Variants in DLGAP2 observed in about 807,000 individuals in gnomAD.
The protein encoded by DLGAP2 is disks large-associated protein 2.
Under a neutral mutation model 100.3 loss-of-function variants are expected in DLGAP2, and 26 were observed. The observed-to-expected ratio is 0.26, with a 90% CI of 0.19 to 0.36. The LOEUF (loss-of-function observed/expected upper bound fraction) is 0.36. Among genes scored for constraint, DLGAP2 ranks in the 10% least tolerant of loss-of-function variants. The probability of loss-of-function intolerance (pLI) is 1.00; values close to 1 mark genes in which losing one functional copy is unlikely to be tolerated. For missense variants in DLGAP2, 1,858 were observed against 1,453.2 expected (o/e 1.28, Z -4.53); for synonymous variants, 886 against 630.1 (o/e 1.41, Z -6.08).
In DLGAP2 at chr8:1,278,679, G is replaced by A. The variant is rs1799756022; in HGVS notation, c.106+19796G>A. On this transcript the variant is annotated intron_variant, in intron 3 of 14. Transcript: ENST00000637795. The stretch of plus-strand genomic sequence containing the variant: ...TTCTCTACCTTACCTAATCAGTGGT[G>A]TGACCCTCTTATCTATATGTTTTAG... Among the ~76,000 whole-genome samples the A allele has an allele frequency of 3.9e-5, 6 of 152,282 alleles. No individual in the cohort carries two copies. In the South Asian group the frequency reaches 1.2e-3, roughly 32 times the overall value.
chr8:1,100,903 A>G (rs1804556465), intron 2 of DLGAP2, among the ~76,000 whole-genome samples: 1 of 152,230 alleles, frequency 6.6e-6, no homozygotes, highest in African/African-American at 2.4e-5. Context: ...ATAGCATTTC[A>G]AGTGCTTTAT....
chr8:1,363,034 G>A (rs1050726922), intron 3 of DLGAP2, among the ~76,000 whole-genome samples: 2 of 152,192 alleles, frequency 1.3e-5, no homozygotes, highest in African/African-American at 4.8e-5. Flanking sequence ...TGAGCCACCA[G>A]ATCCTCTAAG....
In DLGAP2 at chr8:1,549,270, A is replaced by C. The variant is rs974256854; in HGVS notation, c.817A>C (p.Lys273Gln). 8 of 1,611,286 alleles carry C rather than the reference A, an allele frequency of 5.0e-6. No individual in the cohort carries two copies. Among genetic ancestry groups the C allele is most frequent in the Non-Finnish European group, 6.8e-6 (8 of 1,179,238 alleles). The change falls in exon 5 of 15, where the codon AAG (lysine) becomes CAG (glutamine). Residue 273 changes from lysine to glutamine, a missense_variant. By Grantham distance (53) the Lys-to-Gln change is moderately conservative. Coordinates refer to ENST00000637795, the MANE Select transcript of DLGAP2 (RefSeq NM_001346810.2). ...ADDHHHAHHA[K>Q]HSKRSKSKER... Reference sequence around the variant, plus strand: ...CGACCACCACCACGCCCACCACGCCAAGCACAGCAAGAGGAGCAAGAGCAA... The same window carrying C: ...CGACCACCACCACGCCCACCACGCCCAGCACAGCAAGAGGAGCAAGAGCAA...
chr8:1,206,268 C>T (rs1797987209), intron 2 of DLGAP2, among the ~76,000 whole-genome samples: 1 of 151,980 alleles, frequency 6.6e-6, no homozygotes, highest in Non-Finnish European at 1.5e-5. Flanking sequence ...GCAGCTCCAG[C>T]CATCCATGGG....
intron 1 of DLGAP2, 189 bp downstream of exon 1, chr8:738,014 G>A (rs1423616494): frequency 4.7e-5 from 15 of 316,082 alleles, no homozygotes; most frequent in Admixed American, 4.5e-4. Flanking sequence ...CTGTGCTCGG[G>A]GGTCGCGCGT....
chr8:1,257,729 C>T (rs117617946), intron 2 of DLGAP2, among the ~76,000 whole-genome samples: 7,094 of 152,024 alleles, frequency 0.047, 356 homozygotes, highest in African/African-American at 0.12. Flanking sequence ...CCCGAGGGCC[C>T]GTGCAGGCCA....
intron 13 of DLGAP2, among the ~76,000 whole-genome samples, chr8:1,692,534 G>C (rs1203510097): frequency 6.6e-6 from 1 of 152,186 alleles, no homozygotes; most frequent in African/African-American, 2.4e-5. Flanking sequence ...GAGGCGGGCT[G>C]CAGCAGCGCG....
At chr8:1,633,782 G>A (rs1376705351) in intron 8 of DLGAP2, among the ~76,000 whole-genome samples, 1 of 152,204 alleles carries the variant, frequency 6.6e-6, no homozygotes, top group African/African-American at 2.4e-5. Context: ...GGGGACTGAG[G>A]TGTTCTGAAT....
chr8:825,000 T>C (rs1320739491), intron 1 of DLGAP2, among the ~76,000 whole-genome samples: 2 of 152,170 alleles, frequency 1.3e-5, no homozygotes, highest in African/African-American at 4.8e-5. Context: ...CGATGTCTTC[T>C]GGCTGCAGGA....
chr8:1,277,400 C>G (rs1452563804), intron 3 of DLGAP2, among the ~76,000 whole-genome samples: 1 of 152,034 alleles, frequency 6.6e-6, no homozygotes, highest in East Asian at 1.9e-4. Flanking sequence ...ATTAAGAGAG[C>G]ACGGAGAAAT....
At chr8:779,706 C>G (rs1821635814) in intron 1 of DLGAP2, among the ~76,000 whole-genome samples, 1 of 152,080 alleles carries the variant, frequency 6.6e-6, no homozygotes, top group African/African-American at 2.4e-5. Flanking sequence ...CCACTGTTAG[C>G]CATCCAAATC....
chr8:804,884 A>G (rs892853868), intron 1 of DLGAP2, among the ~76,000 whole-genome samples: 1 of 151,890 alleles, frequency 6.6e-6, no homozygotes, highest in African/African-American at 2.4e-5. Flanking sequence ...TCCCACCTCA[A>G]CCACTGAGTA....
intron 4 of DLGAP2, among the ~76,000 whole-genome samples, chr8:1,519,291 AC>A (rs1290353850): frequency 3.6e-5 from 5 of 137,702 alleles, no homozygotes; most frequent in Non-Finnish European, 7.7e-5. Context: ...AAAGCATAGA[AC>A]CCTTGTCTAC....
chr8:935,930 AT>A (rs1455605139), intron 2 of DLGAP2, among the ~76,000 whole-genome samples: 1 of 152,200 alleles, frequency 6.6e-6, no homozygotes, highest in African/African-American at 2.4e-5. Context: ...GGAGAGCTGC[AT>A]AAGAGTGGGG....
At chr8:873,077 C>T (rs909762599) in intron 1 of DLGAP2, among the ~76,000 whole-genome samples, 1 of 152,182 alleles carries the variant, frequency 6.6e-6, no homozygotes, top group Non-Finnish European at 1.5e-5. Flanking sequence ...ATATTGACCA[C>T]ACATGCTCCC....
At chr8:1,413,334 G>A (rs962981466) in intron 3 of DLGAP2, among the ~76,000 whole-genome samples, 10 of 152,176 alleles carry the variant, frequency 6.6e-5, no homozygotes, top group African/African-American at 1.4e-4. Flanking sequence ...AAGAACAGAG[G>A]AAGAAAATGA....
At chr8:1,023,699 C>G (rs1311692303) in intron 2 of DLGAP2, among the ~76,000 whole-genome samples, 1 of 152,068 alleles carries the variant, frequency 6.6e-6, no homozygotes, top group Non-Finnish European at 1.5e-5. Flanking sequence ...ACCTTTTCCC[C>G]ATCGCAGCCC....
At chr8:857,339 C>G (rs1585938883) in intron 1 of DLGAP2, among the ~76,000 whole-genome samples, 1 of 152,188 alleles carries the variant, frequency 6.6e-6, no homozygotes. Context: ...TGAAATTGGA[C>G]TTCATTAAAA....
At chr8:892,589 G>A (rs1230802060) in intron 1 of DLGAP2, among the ~76,000 whole-genome samples, 1 of 152,214 alleles carries the variant, frequency 6.6e-6, no homozygotes, top group African/African-American at 2.4e-5. Context: ...AAGCAAATGT[G>A]TGGTTAAAGA....
Sources: gnomAD v4.1 joint callset for allele counts (sites outside exome capture counted in the v4.1 genomes callset) on GRCh38, gnomAD v4.1.1 for gene constraint, MANE v1.5 for transcripts, NCBI Gene and HGNC (gene_info 2026-07-23, HGNC 2026-07-21) for gene names.